KAT6A: variants seen among roughly 807,000 people sequenced by gnomAD.
KAT6A encodes histone acetyltransferase KAT6A.
In KAT6A, 9 loss-of-function variants were observed where a neutral mutation model predicts 198.4. The observed-to-expected ratio is 0.05, with a 90% confidence interval of 0.03 to 0.08. The LOEUF (loss-of-function observed/expected upper bound fraction) is 0.08. KAT6A is among the 10% of genes least tolerant of loss of function. The pLI is 1.00. For synonymous variants in KAT6A, 890 were observed against 883.0 expected (o/e 1.01, Z -0.14); for missense variants, 2,077 against 2,509.9 (o/e 0.83, Z 3.69).
intron 2 of KAT6A, among the ~76,000 whole-genome samples, chr8:42,044,332 C>CA (rs1827804520): frequency 6.6e-6 from 1 of 151,946 alleles, no homozygotes; most frequent in Admixed American, 6.6e-5. Flanking sequence ...CTCCTGACCT[C>CA]AGGTGATCCA....
Position 41,934,574 on chromosome 8 carries a change from C to T in KAT6A, c.3646G>A (p.Asp1216Asn), listed in dbSNP as rs1475263686. 6.2e-7 allele frequency: 1 copy of T among 1,614,070 alleles called. No homozygotes were observed. Among genetic ancestry groups the T allele is most frequent in the East Asian group, 2.2e-5 (1 of 44,852 alleles). Residue 1216 changes from aspartate (D) to asparagine (N), a missense_variant, in exon 17 of 17, where the codon GAC becomes AAC. By Grantham distance (23) the Asp-to-Asn change is conservative. This residue lies in a region of KAT6A where 375 missense variants were observed against 383.0 expected (regional missense o/e 0.98). Coordinates refer to ENST00000265713, the MANE Select transcript of KAT6A (RefSeq NM_006766.5). ...ESEETVEPKEDMPLPEERKEE... is the reference protein window; with the variant it reads ...ESEETVEPKENMPLPEERKEE... ...TTCCTCTCCTCGGGTAGGGGCATGT[C>T]TTCTTTTGGCTCAACAGTTTCTTCA...
chr8:42,045,364 G>A (rs1346784422), intron 2 of KAT6A, among the ~76,000 whole-genome samples: 2 of 151,944 alleles, frequency 1.3e-5, no homozygotes, highest in Non-Finnish European at 2.9e-5. Context: ...AGTTCGAGAT[G>A]AGCCTGACCA....
chr8:41,994,871 C>T (rs990652015), intron 2 of KAT6A, among the ~76,000 whole-genome samples: 2 of 151,874 alleles, frequency 1.3e-5, no homozygotes, highest in African/African-American at 4.8e-5. Flanking sequence ...GCCTGGCCAA[C>T]GTGGTGAAAC....
At chr8:41,990,596 C>T (rs1457113032) in intron 2 of KAT6A, among the ~76,000 whole-genome samples, 6 of 152,098 alleles carry the variant, frequency 3.9e-5, no homozygotes, top group Admixed American at 1.3e-4. Context: ...CATGAAAGGC[C>T]AACAAACATA....
chr8:41,977,730 T>C (rs1463780766), intron 6 of KAT6A, among the ~76,000 whole-genome samples: 1 of 152,220 alleles, frequency 6.6e-6, no homozygotes, highest in Non-Finnish European at 1.5e-5. Flanking sequence ...CTGCACCAAC[T>C]GAAAGTTATA....
At chr8:42,011,232 T>C (rs1332751176) in intron 2 of KAT6A, among the ~76,000 whole-genome samples, 1 of 152,196 alleles carries the variant, frequency 6.6e-6, no homozygotes, top group Non-Finnish European at 1.5e-5. Flanking sequence ...AAGTCTAATA[T>C]ACCTAGTTTT....
At chr8:41,993,041 G>A (rs990488117) in intron 2 of KAT6A, among the ~76,000 whole-genome samples, 1 of 152,130 alleles carries the variant, frequency 6.6e-6, no homozygotes, top group Non-Finnish European at 1.5e-5. Flanking sequence ...CTAAGAAACC[G>A]CTAGCAAAAT....
Position 41,974,814 on chromosome 8 carries a change from C to G in KAT6A, c.1372G>C (p.Asp458His). The part of the protein sequence containing the change: ...STSDWPTDNQ[D>H]GWDGKQENEE... ...TTTTCTTGTTTGCCATCCCAGCCAT[C>G]CTGATTGTCTACATATAAAAAAAGA... The change falls in exon 8 of 17, where the codon GAT (aspartate) becomes CAT (histidine). Residue 458 changes from aspartate (D) to histidine (H), a missense_variant. Physicochemically the swap from Asp to His is moderately conservative, Grantham distance 81 (BLOSUM62 -1). Around this residue, in one of 13 missense-constraint regions of KAT6A, gnomAD observed 206 missense variants for 214.9 expected, o/e 0.96. Transcript: ENST00000265713. 1 of 1,606,520 alleles carries G rather than the reference C, an allele frequency of 6.2e-7. No homozygotes were observed. Among genetic ancestry groups the G allele is most frequent in the Non-Finnish European group, 8.5e-7 (1 of 1,174,480 alleles).
chr8:41,946,659 T>C lies in KAT6A; in HGVS notation c.1928A>G (p.Asn643Ser), dbSNP rs1822412202. 1 of 1,606,732 alleles carries C rather than the reference T, an allele frequency of 6.2e-7. No homozygotes were observed. The highest frequency in any genetic ancestry group is 8.5e-7 in the Non-Finnish European group (1 of 1,173,450). Residue 643 changes from asparagine (N) to serine (S), a missense_variant, in exon 12 of 17, where the codon AAT (asparagine) becomes AGT (serine). Physicochemically the swap from Asn to Ser is conservative, Grantham distance 46 (BLOSUM62 1). Coordinates refer to ENST00000265713, the MANE Select transcript of KAT6A (RefSeq NM_006766.5). ...SKEKHCQQKY[N>S]VSCIMILPQY... is the part of the protein sequence containing the mutation. ...AGGAAGAATCATTATACAGGAAACATTGTACTTCTGTTGGCAGTGCTTTTC... is the reference window on the plus strand; with the variant it reads ...AGGAAGAATCATTATACAGGAAACACTGTACTTCTGTTGGCAGTGCTTTTC...
At chr8:42,021,343 G>A (rs73675198) in intron 2 of KAT6A, among the ~76,000 whole-genome samples, 38 of 152,214 alleles carry the variant, frequency 2.5e-4, no homozygotes, top group African/African-American at 8.9e-4. Flanking sequence ...GAAAAGAGAA[G>A]GAAGTCAGCA....
chr8:41,959,690 G>A (rs1346859488), intron 8 of KAT6A, among the ~76,000 whole-genome samples: 1 of 152,206 alleles, frequency 6.6e-6, no homozygotes, highest in African/African-American at 2.4e-5. Flanking sequence ...GGGCGCTGGT[G>A]GCTCACGCCT....
chr8:41,951,529 G>C (rs921022848), intron 9 of KAT6A, among the ~76,000 whole-genome samples: 11 of 152,194 alleles, frequency 7.2e-5, no homozygotes, highest in African/African-American at 2.7e-4. Context: ...TGCTTTTAGT[G>C]ATCTTCCTGG....
At chr8:41,962,752 C>T (rs1823273058) in intron 8 of KAT6A, among the ~76,000 whole-genome samples, 2 of 152,140 alleles carry the variant, frequency 1.3e-5, no homozygotes, top group South Asian at 4.1e-4. Flanking sequence ...AAAAGCCAGC[C>T]TTCCATTACC....
Position 41,932,073 on chromosome 8 carries a change from A to T in KAT6A, c.*132T>A. 5 of 920,774 alleles carry T rather than the reference A, an allele frequency of 5.4e-6. No individual in the cohort carries two copies. The South Asian group carries it at 1.9e-4, about 34-fold the overall frequency. 57.0% of individuals were successfully genotyped at this position (920,774 alleles called of 1,614,324 possible). ...ATCAGGTTTTCTAAAAAATAAAATA[A>T]ACCAAAGAAAAATTCCTCTAAATCT... is the stretch of plus-strand genomic sequence containing the variant. On this transcript the variant is annotated 3_prime_UTR_variant, in exon 17 of 17. Transcript: ENST00000265713.
At chr8:42,029,997 G>T (rs766527565) in intron 2 of KAT6A, among the ~76,000 whole-genome samples, 1 of 151,984 alleles carries the variant, frequency 6.6e-6, no homozygotes, top group Non-Finnish European at 1.5e-5. Context: ...GCACTGCTGG[G>T]TCCAGCTGGC....
At chr8:41,942,592 T>TC in intron 14 of KAT6A, 2 of 609,008 alleles carry the variant, frequency 3.3e-6, no homozygotes, top group Non-Finnish European at 5.6e-6. Flanking sequence ...GATGGTCTCC[T>TC]CCTAATTGTC....
chr8:42,049,874 T>A (rs1802512257), intron 1 of KAT6A, among the ~76,000 whole-genome samples: 2 of 152,244 alleles, frequency 1.3e-5, no homozygotes, highest in Admixed American at 1.3e-4. Context: ...CAGTATTACC[T>A]TAATCTCTCC....
intron 8 of KAT6A, among the ~76,000 whole-genome samples, chr8:41,966,132 C>T (rs1474785907): frequency 2.0e-5 from 3 of 152,048 alleles, no homozygotes; most frequent in Non-Finnish European, 2.9e-5. Context: ...ACAGAACTTA[C>T]AGCACTATGC....
chr8:42,037,801 C>T (rs1158730573), intron 2 of KAT6A, among the ~76,000 whole-genome samples: 2 of 151,764 alleles, frequency 1.3e-5, no homozygotes, highest in Non-Finnish European at 2.9e-5. Context: ...AACATCTGTC[C>T]TCAATCTTAA....
Sources: gnomAD v4.1 joint callset for allele counts (sites outside exome capture counted in the v4.1 genomes callset) on GRCh38, gnomAD v4.1.1 for gene constraint, gnomAD v4.1.1 regional missense constraint, MANE v1.5 for transcripts, NCBI Gene and HGNC (gene_info 2026-07-23, HGNC 2026-07-21) for gene names.